HSF2BP: variants seen among roughly 807,000 people sequenced by gnomAD.
The protein encoded by HSF2BP is heat shock factor 2-binding protein.
A neutral mutation model predicts 35.0 loss-of-function variants in HSF2BP; 35 were observed. The ratio of observed to expected loss-of-function variants is 1.00; its 90% CI spans 0.76 to 1.32. HSF2BP has a LOEUF of 1.32. Among genes scored for constraint, HSF2BP ranks in the 40% most tolerant of loss-of-function variants. The pLI is 0.00. For synonymous variants in HSF2BP, 114 were observed against 117.4 expected (o/e 0.97, Z 0.18); for missense variants, 326 against 321.7 (o/e 1.01, Z -0.10).
chr21:43,588,167 C>G (rs1043154348), intron 8 of HSF2BP, among the ~76,000 whole-genome samples: 1 of 152,114 alleles, frequency 6.6e-6, no homozygotes, highest in African/African-American at 2.4e-5. Context: ...CACCTGAGGT[C>G]AGGAGTTTGA....
intron 6 of HSF2BP, 147 bp from the exon 7 acceptor site, chr21:43,614,094 T>C (rs2082242276): frequency 3.0e-6 from 2 of 664,020 alleles, no homozygotes; most frequent in Admixed American, 2.9e-5. Flanking sequence ...CTAGGCATGG[T>C]TGTTCACACC....
At chr21:43,627,030 G>T (rs1416279487) in intron 6 of HSF2BP, among the ~76,000 whole-genome samples, 2 of 152,036 alleles carry the variant, frequency 1.3e-5, no homozygotes, top group Non-Finnish European at 1.5e-5. Context: ...ACCACGCCTG[G>T]CTAATTTTTT....
chr21:43,633,632 AG>A (rs1282637361), intron 4 of HSF2BP, among the ~76,000 whole-genome samples: 1 of 152,256 alleles, frequency 6.6e-6, no homozygotes, highest in Non-Finnish European at 1.5e-5. Context: ...ATCTGAGGAA[AG>A]AACATACTAC....
chr21:43,594,536 G>A (rs1302888664), intron 7 of HSF2BP, among the ~76,000 whole-genome samples: 1 of 152,120 alleles, frequency 6.6e-6, no homozygotes, highest in African/African-American at 2.4e-5. Context: ...TAAAAAAGGG[G>A]CTATCACTGA....
chr21:43,630,483 T>C (rs1452039621), intron 5 of HSF2BP, 29 bp from the exon 6 acceptor site: 1 of 1,599,882 alleles, frequency 6.3e-7, no homozygotes, highest in Non-Finnish European at 8.5e-7. Flanking sequence ...GAGTGTCATA[T>C]CTTTTTACAG....
chr21:43,613,912 C>A lies in HSF2BP; in HGVS notation c.610G>T (p.Val204Phe). ...AAIACGREFL[V>F]NSSRVLLDTI... ...TCCAAGAGCACCCGGCTTGAATTAA[C>A]CAAGAATTCACGACCACATGCTATA... Residue 204 changes from valine (V) to phenylalanine (F), a missense_variant, in exon 7 of 9, where the codon GTT becomes TTT. Transcript: ENST00000291560. 1 of 1,609,454 alleles carries A rather than the reference C, an allele frequency of 6.2e-7. No individual in the cohort carries two copies.
At chr21:43,651,394 T>C (rs1034894748) in intron 3 of HSF2BP, among the ~76,000 whole-genome samples, 3 of 152,086 alleles carry the variant, frequency 2.0e-5, no homozygotes, top group Non-Finnish European at 4.4e-5. Context: ...CCACCAAGAC[T>C]AATCAAACGT....
At chr21:43,624,666 A>T (rs2146969904) in intron 6 of HSF2BP, among the ~76,000 whole-genome samples, 1 of 152,324 alleles carries the variant, frequency 6.6e-6, no homozygotes, top group Admixed American at 6.5e-5. Context: ...TCAATCATCA[A>T]AAAGTAATTT....
intron 7 of HSF2BP, among the ~76,000 whole-genome samples, chr21:43,596,187 T>C (rs1295883230): frequency 2.0e-5 from 3 of 152,174 alleles, no homozygotes; most frequent in African/African-American, 7.2e-5. Flanking sequence ...GCACCTCTTA[T>C]AGCACTTAAT....
intron 8 of HSF2BP, among the ~76,000 whole-genome samples, chr21:43,591,780 G>T (rs1352044696): frequency 6.6e-6 from 1 of 152,116 alleles, no homozygotes; most frequent in Admixed American, 6.5e-5. Flanking sequence ...ACCATTCTGC[G>T]TAGCATGATG....
chr21:43,630,301 CTCA>C lies in HSF2BP; in HGVS notation c.574+18_574+20del. On this transcript the variant is annotated intron_variant, in intron 6 of 8. Transcript: ENST00000291560. Reference sequence around the variant, plus strand: ...GTCTGGAAGCAAACAGGCAACATCTCTCAGGTGCGCCTGCACTTACTCGTGACA... The same window carrying C: ...GTCTGGAAGCAAACAGGCAACATCTCGGTGCGCCTGCACTTACTCGTGACA... 6.3e-7 allele frequency: 1 copy of C among 1,598,556 alleles called. No homozygotes were observed. The highest frequency in any genetic ancestry group is 8.5e-7 in the Non-Finnish European group (1 of 1,172,938).
intron 7 of HSF2BP, among the ~76,000 whole-genome samples, chr21:43,602,328 C>A (rs1174294141): frequency 1.3e-5 from 2 of 152,250 alleles, no homozygotes; most frequent in Non-Finnish European, 2.9e-5. Flanking sequence ...CAGACGAATT[C>A]TTTGGAAAAC....
At chr21:43,576,932 G>A (rs1245572518) in intron 8 of HSF2BP, among the ~76,000 whole-genome samples, 1 of 152,180 alleles carries the variant, frequency 6.6e-6, no homozygotes, top group Non-Finnish European at 1.5e-5. Context: ...ATAAACACTG[G>A]CAATTTCATG....
At chr21:43,652,073 C>T (rs1428344220) in intron 3 of HSF2BP, among the ~76,000 whole-genome samples, 1 of 152,204 alleles carries the variant, frequency 6.6e-6, no homozygotes, top group Non-Finnish European at 1.5e-5. Context: ...CCTTCCCTGC[C>T]TGTATTCATT....
intron 2 of HSF2BP, chr21:43,657,775 G>T: frequency 2.2e-6 from 2 of 914,110 alleles, no homozygotes; most frequent in Non-Finnish European, 2.6e-6. Flanking sequence ...AGAGAAGAGA[G>T]TGACCATCCA....
chr21:43,585,932 T>C (rs1200780461), intron 8 of HSF2BP, among the ~76,000 whole-genome samples: 7 of 152,236 alleles, frequency 4.6e-5, no homozygotes, highest in Non-Finnish European at 1.0e-4. Context: ...AGATATCAAG[T>C]AGACAGCTCA....
intron 8 of HSF2BP, among the ~76,000 whole-genome samples, chr21:43,571,944 G>A (rs2838318): frequency 0.51 from 77,941 of 151,488 alleles, 20,955 homozygotes; most frequent in East Asian, 0.69. Context: ...GAATCAGAGC[G>A]ACTAGGTCCA....
intron 8 of HSF2BP, among the ~76,000 whole-genome samples, chr21:43,577,494 G>A (rs1380739367): frequency 6.6e-6 from 1 of 152,172 alleles, no homozygotes; most frequent in African/African-American, 2.4e-5. Flanking sequence ...TTATGTTATG[G>A]AAGGCCTGGG....
chr21:43,590,202 A>T (rs1421418390), intron 8 of HSF2BP, among the ~76,000 whole-genome samples: 1 of 152,252 alleles, frequency 6.6e-6, no homozygotes, highest in African/African-American at 2.4e-5. Flanking sequence ...TTTAAAATAA[A>T]CAAAACATAC....
Sources: gnomAD v4.1 joint callset for allele counts (sites outside exome capture counted in the v4.1 genomes callset) on GRCh38, gnomAD v4.1.1 for gene constraint, MANE v1.5 for transcripts, NCBI Gene and HGNC (gene_info 2026-07-23, HGNC 2026-07-21) for gene names.